The following SLC4A4 variants were observed in gnomAD, a reference collection of about 807,000 sequenced individuals.
SLC4A4 encodes the protein electrogenic sodium bicarbonate cotransporter 1.
SLC4A4 carries 27 observed loss-of-function variants against 111.5 expected under a neutral mutation model. The observed-to-expected ratio is 0.24, with a 90% confidence interval of 0.18 to 0.33. SLC4A4 has a LOEUF of 0.33. SLC4A4 is among the 10% of genes least tolerant of loss of function. The probability of loss-of-function intolerance (pLI) is 1.00; values close to 1 mark genes in which losing one functional copy is unlikely to be tolerated. For synonymous variants in SLC4A4, 443 were observed against 463.4 expected (o/e 0.96, Z 0.57); for missense variants, 909 against 1,315.5 (o/e 0.69, Z 4.78).
chr4:71,099,342 A>G (rs1234945180), intron 2 of SLC4A4, among the ~76,000 whole-genome samples: 1 of 152,224 alleles, frequency 6.6e-6, no homozygotes, highest in East Asian at 1.9e-4. Flanking sequence ...AACATGCTGA[A>G]TGACTTTTGG....
intron 1 of SLC4A4, among the ~76,000 whole-genome samples, chr4:71,220,660 G>A (rs1006779531): frequency 1.3e-5 from 2 of 151,176 alleles, no homozygotes; most frequent in Middle Eastern, 6.8e-3. Context: ...ATGTCTTATG[G>A]GTGTCTTTTT....
intron 7 of SLC4A4, among the ~76,000 whole-genome samples, chr4:71,424,323 T>C (rs2149029619): frequency 6.6e-6 from 1 of 151,926 alleles, no homozygotes; most frequent in South Asian, 2.1e-4. Flanking sequence ...ATGGCAATCG[T>C]TAAAAAGTCA....
chr4:71,077,795 A>G (rs986526889), intron 1 of SLC4A4, among the ~76,000 whole-genome samples: 9 of 152,186 alleles, frequency 5.9e-5, no homozygotes, highest in African/African-American at 1.9e-4. Context: ...GCTATGGATC[A>G]CCCTATTTCT....
At chr4:71,108,247 T>C (rs191413122) in intron 2 of SLC4A4, among the ~76,000 whole-genome samples, 179 of 152,378 alleles carry the variant, frequency 1.2e-3, no homozygotes, top group Admixed American at 2.7e-3. Context: ...TATTACAATC[T>C]TATTTGTGCA....
At chr4:71,419,503 T>A (rs1027072397) in intron 7 of SLC4A4, among the ~76,000 whole-genome samples, 24 of 152,204 alleles carry the variant, frequency 1.6e-4, no homozygotes, top group Non-Finnish European at 2.8e-4. Context: ...CCGAGCCAGG[T>A]GCGGGATATA....
At chr4:71,554,493 C>G (rs1347819965) in intron 20 of SLC4A4, among the ~76,000 whole-genome samples, 4 of 151,734 alleles carry the variant, frequency 2.6e-5, no homozygotes, top group Non-Finnish European at 5.9e-5. Context: ...TTTGCTAATG[C>G]ATGAAAAGGT....
intron 1 of SLC4A4, among the ~76,000 whole-genome samples, chr4:71,191,273 T>C (rs975207798): frequency 1.3e-5 from 2 of 152,210 alleles, no homozygotes; most frequent in Non-Finnish European, 2.9e-5. Flanking sequence ...AAAAAGATAG[T>C]GGTAGAAACA....
chr4:71,079,540 C>G lies in SLC4A4; in HGVS notation c.-64-13190C>G, dbSNP rs552594813. 3.3e-5 allele frequency among the ~76,000 whole-genome samples: 5 copies of G among 152,230 alleles called. No individual in the cohort carries two copies. The South Asian group carries it at 1.0e-3, about 32-fold the overall frequency. Reference sequence around the variant, plus strand: ...CCTATAATCCCAGCACTTTGGGAGGCTGAGGCAGGAGGATTACTTAAGCTC... The same window carrying G: ...CCTATAATCCCAGCACTTTGGGAGGGTGAGGCAGGAGGATTACTTAAGCTC... On this transcript the variant is annotated intron_variant, in intron 1 of 26. Coordinates refer to the SLC4A4 transcript ENST00000649996.
At chr4:71,364,156 A>T (rs1323575691) in intron 6 of SLC4A4, among the ~76,000 whole-genome samples, 1 of 152,176 alleles carries the variant, frequency 6.6e-6, no homozygotes, top group Non-Finnish European at 1.5e-5. Flanking sequence ...GTTGTTTGAC[A>T]TTGAAGGCCT....
chr4:71,504,250 GTTATT>G (rs1334292492), intron 16 of SLC4A4, among the ~76,000 whole-genome samples: 2 of 152,044 alleles, frequency 1.3e-5, no homozygotes, highest in Non-Finnish European at 2.9e-5. Context: ...TAGGTTTTCT[GTTATT>G]TTATTTGTCT....
intron 2 of SLC4A4, among the ~76,000 whole-genome samples, chr4:71,129,784 C>CAAAAAAA (rs35737857): frequency 1.3e-5 from 1 of 75,580 alleles, no homozygotes; most frequent in Non-Finnish European, 2.5e-5. Flanking sequence ...TACCATGCAC[C>CAAAAAAA]AAAAAAAAAA....
At chr4:71,171,162 T>TTG (rs1268194756) in intron 2 of SLC4A4, among the ~76,000 whole-genome samples, 170 of 151,068 alleles carry the variant, frequency 1.1e-3, no homozygotes, top group African/African-American at 3.9e-3. Flanking sequence ...TTGTTTTGTT[T>TTG]TTTTTTTTTT....
intron 3 of SLC4A4, among the ~76,000 whole-genome samples, chr4:71,263,030 C>A (rs1721981186): frequency 7.2e-6 from 1 of 139,508 alleles, no homozygotes; most frequent in South Asian, 2.6e-4. Context: ...CACTCCACAA[C>A]AGGCCCCGGT....
chr4:71,255,337 A>T lies in SLC4A4; in HGVS notation c.191A>T (p.Tyr64Phe), dbSNP rs757623063. 1 of 1,613,556 alleles carries T rather than the reference A, an allele frequency of 6.2e-7. No homozygotes were observed. Among genetic ancestry groups the T allele is most frequent in the Non-Finnish European group, 8.5e-7 (1 of 1,179,616 alleles). Reference sequence around the variant, plus strand: ...GAAAAGGAGAGAATCTCTGAGAACTACTCTGACAAATCAGATATTGAAAAT... The same window carrying T: ...GAAAAGGAGAGAATCTCTGAGAACTTCTCTGACAAATCAGATATTGAAAAT... ...KKEKERISEN[Y>F]SDKSDIENAD... The change falls in exon 3 of 26, where the codon TAC (tyrosine) becomes TTC (phenylalanine). Residue 64 changes from tyrosine to phenylalanine, a missense_variant. This residue lies in a region of SLC4A4 where 117 missense variants were observed against 154.2 expected (regional missense o/e 0.76). Transcript: ENST00000264485.
intron 24 of SLC4A4, among the ~76,000 whole-genome samples, chr4:71,565,358 T>A (rs978744264): frequency 6.6e-6 from 1 of 151,772 alleles, no homozygotes; most frequent in Non-Finnish European, 1.5e-5. Context: ...GATGGTCTTT[T>A]TTCTGTAACT....
At chr4:71,160,738 G>A (rs1466379720) in intron 2 of SLC4A4, among the ~76,000 whole-genome samples, 1 of 151,790 alleles carries the variant, frequency 6.6e-6, no homozygotes, top group Non-Finnish European at 1.5e-5. Flanking sequence ...CAATGAAGAG[G>A]ATTTGACTAA....
At chr4:71,147,740 G>A (rs1184090424) in intron 2 of SLC4A4, among the ~76,000 whole-genome samples, 2 of 152,118 alleles carry the variant, frequency 1.3e-5, no homozygotes, top group Non-Finnish European at 2.9e-5. Flanking sequence ...TCTTTCTGAG[G>A]AGGGGTCCTG....
intron 1 of SLC4A4, among the ~76,000 whole-genome samples, chr4:71,188,281 T>C (rs1745582266): frequency 1.3e-5 from 2 of 152,192 alleles, no homozygotes; most frequent in African/African-American, 2.4e-5. Flanking sequence ...TCTACCTCTC[T>C]TCTATCACTT....
At chr4:71,434,390 T>C (rs1391679394) in intron 7 of SLC4A4, 1 of 188,418 alleles carries the variant, frequency 5.3e-6, no homozygotes, top group Non-Finnish European at 1.1e-5. Context: ...TTCAGACTGG[T>C]AGCTTTAAAC....
Sources: allele counts gnomAD v4.1 joint callset (sites outside exome capture counted in the v4.1 genomes callset), GRCh38; gene constraint gnomAD v4.1.1; regional missense constraint gnomAD v4.1.1; transcripts MANE v1.5; gene names NCBI Gene and HGNC (gene_info 2026-07-23, HGNC 2026-07-21).